The following SPATA31F1 variants were observed in gnomAD, a reference collection of about 807,000 sequenced individuals.
SPATA31F1 encodes SPATA31 subfamily F member 1.
chr9:34,725,736 A>C, the SPATA31F1 span: 31 of 1,548,720 alleles, frequency 2.0e-5, no homozygotes, highest in Non-Finnish European at 2.7e-5. Flanking sequence ...TGATGGTCAG[A>C]TGGAGACATC....
At chr9:34,723,284 G>A in the SPATA31F1 span, 2 of 1,551,780 alleles carry the variant, frequency 1.3e-6, no homozygotes, top group African/African-American at 1.4e-5. Flanking sequence ...ACAGTGACGA[G>A]GGCAGTGGCG....
the SPATA31F1 span, chr9:34,728,569 C>T: frequency 6.5e-6 from 10 of 1,543,730 alleles, no homozygotes; most frequent in Non-Finnish European, 8.8e-6. Context: ...TGGGAAACAC[C>T]CACAGTGGAA....
the SPATA31F1 span, chr9:34,728,126 A>G: frequency 1.3e-6 from 2 of 1,528,288 alleles, no homozygotes; most frequent in South Asian, 1.2e-5. Flanking sequence ...GGATAATTTC[A>G]TAGGCATCCT....
At chr9:34,723,269 C>G in the SPATA31F1 span, 45 of 1,551,716 alleles carry the variant, frequency 2.9e-5, no homozygotes, top group Non-Finnish European at 3.0e-5. Context: ...ACAAGCCTCT[C>G]GAGGACAGTG....
the SPATA31F1 span, chr9:34,729,164 A>T: frequency 1.6e-6 from 2 of 1,217,826 alleles, no homozygotes; most frequent in African/African-American, 1.5e-5. Context: ...AAAGTATTAC[A>T]CAAAGGTAAC....
chr9:34,726,826 G>T, the SPATA31F1 span: 1 of 1,551,764 alleles, frequency 6.4e-7, no homozygotes, highest in Non-Finnish European at 8.7e-7. Flanking sequence ...GCATCTCTAG[G>T]CAAGAGGAGC....
chr9:34,725,828 A>T, the SPATA31F1 span: 3 of 1,550,582 alleles, frequency 1.9e-6, no homozygotes, highest in Non-Finnish European at 2.6e-6. Flanking sequence ...GAGCTCATTG[A>T]AGAGAAAAGG....
At chr9:34,725,818 G>A in the SPATA31F1 span, 1 of 1,550,006 alleles carries the variant, frequency 6.5e-7, no homozygotes, top group Non-Finnish European at 8.7e-7. Flanking sequence ...GGGGGAAGGA[G>A]AGCTCATTGA....
the SPATA31F1 span, chr9:34,723,722 C>T: frequency 6.4e-7 from 1 of 1,551,694 alleles, no homozygotes; most frequent in Non-Finnish European, 8.7e-7. Flanking sequence ...AGTTGGTTGG[C>T]TCAGGAAAGG....
chr9:34,727,842 T>C, the SPATA31F1 span, among the ~76,000 whole-genome samples: 5 of 152,110 alleles, frequency 3.3e-5, no homozygotes, highest in Admixed American at 6.6e-5. Flanking sequence ...GCAGCTCATC[T>C]CTCCTGAGAC....
chr9:34,723,363 G>C, the SPATA31F1 span: 1 of 1,551,706 alleles, frequency 6.4e-7, no homozygotes, highest in Non-Finnish European at 8.7e-7. Flanking sequence ...TCTAGGGATT[G>C]GGGACCATCC....
the SPATA31F1 span, among the ~76,000 whole-genome samples, chr9:34,727,864 A>T: frequency 0.28 from 43,259 of 151,876 alleles, 6,584 homozygotes; most frequent in Admixed American, 0.35. Context: ...TGTGAACCCC[A>T]CTCTTCCCTG....
chr9:34,723,970 G>T, the SPATA31F1 span: 9 of 1,550,872 alleles, frequency 5.8e-6, no homozygotes, highest in Non-Finnish European at 7.8e-6. Context: ...GGGGTGTCTT[G>T]TTTGGAAGCA....
At chr9:34,726,513 T>A in the SPATA31F1 span, 7 of 1,551,682 alleles carry the variant, frequency 4.5e-6, no homozygotes, top group Non-Finnish European at 6.1e-6. Flanking sequence ...TGGACAAGGC[T>A]GGGGTTGCTC....
At chr9:34,724,346 A>G in the SPATA31F1 span, 20 of 1,551,112 alleles carry the variant, frequency 1.3e-5, no homozygotes, top group Non-Finnish European at 1.7e-5. Context: ...GTCATTGGCC[A>G]GCTGTTCTTT....
chr9:34,729,487 G>A, the SPATA31F1 span: 43 of 1,500,298 alleles, frequency 2.9e-5, no homozygotes, highest in Non-Finnish European at 6.3e-6. Flanking sequence ...CAGGGTTCTG[G>A]TGCCTAATGA....
the SPATA31F1 span, chr9:34,728,540 C>A: frequency 6.8e-7 from 1 of 1,478,204 alleles, no homozygotes; most frequent in South Asian, 1.2e-5. Context: ...CTCCAGAGGT[C>A]ACAGAGGGAC....
chr9:34,724,706 T>C, the SPATA31F1 span: 2 of 1,550,636 alleles, frequency 1.3e-6, no homozygotes, highest in Non-Finnish European at 1.7e-6. Context: ...ACTCTCATTG[T>C]TGCCTTGAGG....
At chr9:34,724,729 A>G in the SPATA31F1 span, 1 of 1,551,624 alleles carries the variant, frequency 6.4e-7, no homozygotes, top group African/African-American at 1.4e-5. Flanking sequence ...ATGGCCCAAG[A>G]CTTATACACT....
Sources: allele counts gnomAD v4.1 joint callset (sites outside exome capture counted in the v4.1 genomes callset), GRCh38; gene constraint gnomAD v4.1.1; transcripts MANE v1.5; gene names NCBI Gene and HGNC (gene_info 2026-07-23, HGNC 2026-07-21).